The following SBF2 variants were observed in gnomAD, a reference collection of about 807,000 sequenced individuals.
SBF2 encodes SET binding factor 2.
A neutral mutation model predicts 225.2 loss-of-function variants in SBF2; 112 were observed. The observed-to-expected ratio is 0.50, with a 90% CI of 0.43 to 0.58. The LOEUF is 0.58. Among genes scored for constraint, SBF2 ranks in the 20% least tolerant of loss-of-function variants. The pLI is 0.00. For synonymous variants in SBF2, 763 were observed against 773.3 expected, an observed-to-expected ratio of 0.99 and a Z score of 0.22; for missense variants, 1,996 against 2,206.2, an observed-to-expected ratio of 0.90 and a Z score of 1.91.
chr11:9,830,961 T>G (rs1306652032), intron 27 of SBF2, among the ~76,000 whole-genome samples: 1 of 152,200 alleles, frequency 6.6e-6, no homozygotes, highest in Non-Finnish European at 1.5e-5. Context: ...TTCACTCATT[T>G]TACATAACAT....
chr11:10,282,753 T>C (rs1963499991), intron 1 of SBF2, among the ~76,000 whole-genome samples: 1 of 152,192 alleles, frequency 6.6e-6, no homozygotes, highest in Non-Finnish European at 1.5e-5. Flanking sequence ...TCATTGCCAT[T>C]TGAGTCACAT....
rs145549641 is a variant in SBF2, at chr11:10,047,072, C to T, written c.142-4091G>A. 3.7e-3 allele frequency among the ~76,000 whole-genome samples: 557 copies of T among 151,938 alleles called. 4 individuals carry two copies. The highest frequency in any genetic ancestry group is 0.012 in the African/African-American group (500 of 41,480). ...AATTAGGTATAAATCTAACAAGATA[C>T]GCAAAAGATCTATATAAGGAAAACT... On this transcript the variant is annotated intron_variant, in intron 2 of 39. Coordinates refer to ENST00000256190, the MANE Select transcript of SBF2 (RefSeq NM_030962.4).
chr11:9,812,036 T>G (rs1244910002), intron 30 of SBF2, among the ~76,000 whole-genome samples: 1 of 150,196 alleles, frequency 6.7e-6, no homozygotes, highest in South Asian at 2.1e-4. Flanking sequence ...AGACACTGTG[T>G]TTTTTTTTCA....
chr11:10,057,211 T>G (rs747847063), intron 2 of SBF2, among the ~76,000 whole-genome samples: 20 of 152,112 alleles, frequency 1.3e-4, no homozygotes, highest in Non-Finnish European at 2.5e-4. Flanking sequence ...CATGGGTGCC[T>G]GTTCCCATAT....
chr11:9,812,031 CTG>C (rs950951417), intron 30 of SBF2, among the ~76,000 whole-genome samples: 1 of 151,928 alleles, frequency 6.6e-6, no homozygotes, highest in Admixed American at 6.6e-5. Flanking sequence ...ATGATAGACA[CTG>C]TGTTTTTTTT....
At chr11:10,169,693 C>T (rs954175103) in intron 2 of SBF2, among the ~76,000 whole-genome samples, 6 of 152,092 alleles carry the variant, frequency 3.9e-5, no homozygotes, top group African/African-American at 1.4e-4. Context: ...TGGGTATATG[C>T]CTAGCAGTGG....
chr11:9,882,968 A>G (rs1339681340), intron 17 of SBF2, among the ~76,000 whole-genome samples: 4 of 152,142 alleles, frequency 2.6e-5, no homozygotes, highest in East Asian at 3.8e-4. Flanking sequence ...CCTGGGCAAC[A>G]TGGTAAAATA....
At chr11:9,836,081 T>C (rs1855718983) in intron 26 of SBF2, among the ~76,000 whole-genome samples, 1 of 152,136 alleles carries the variant, frequency 6.6e-6, no homozygotes, top group Non-Finnish European at 1.5e-5. Context: ...CAATTTATAG[T>C]CCTTTTTACT....
rs768227057 is a variant in SBF2, at chr11:9,963,759, T to TCACC, written c.1710+13_1710+14insGGTG. The TCACC allele has an allele frequency of 1.6e-6, 2 of 1,229,744 alleles. No individual in the cohort carries two copies. Among genetic ancestry groups the TCACC allele is most frequent in the Non-Finnish European group, 2.4e-6 (2 of 840,736 alleles). 76.2% of individuals were successfully genotyped at this position (1,229,744 alleles called of 1,614,324 possible). A position where few individuals can be genotyped will look rare whatever the true frequency, so the allele number is the denominator to read the frequency against. Reference sequence around the variant, plus strand: ...ATGATAAATGCTTACTTGGGAAAGATCACATTTTATTACCTTTTCAGTTTC... The same window carrying TCACC: ...ATGATAAATGCTTACTTGGGAAAGATCACCCACATTTTATTACCTTTTCAGTTTC... On this transcript the variant is annotated intron_variant, in intron 15 of 39. Coordinates refer to ENST00000256190, the MANE Select transcript of SBF2 (RefSeq NM_030962.4).
At chr11:9,952,512 C>T (rs745929267) in intron 16 of SBF2, among the ~76,000 whole-genome samples, 9 of 152,156 alleles carry the variant, frequency 5.9e-5, no homozygotes, top group Non-Finnish European at 1.2e-4. Flanking sequence ...CCCGCTGCTA[C>T]TTGGGAAAAG....
intron 28 of SBF2, among the ~76,000 whole-genome samples, chr11:9,821,061 T>C (rs1386934367): frequency 1.3e-5 from 2 of 152,236 alleles, no homozygotes; most frequent in African/African-American, 4.8e-5. Flanking sequence ...AAAATCATTG[T>C]TGGAGAAAGG....
At position 9,781,529 on chromosome 11, in the gene SBF2, G is replaced by C. The variant is rs1337450194; in HGVS notation, c.5429C>G (p.Thr1810Arg). Residue 1810 changes from threonine (T) to arginine (R), a missense_variant, in exon 39 of 40, where the codon ACA (threonine) becomes AGA (arginine). Transcript: ENST00000256190. ...AGPSMGAPKHTSDKAFFDLKT... is the reference protein window; with the variant it reads ...AGPSMGAPKHRSDKAFFDLKT... ...TACATCAAAGAAAGCCTTGTCACTT[G>C]TGTGCTTTGGGGCTCCCATGCTGGG... 1 of 1,614,118 alleles carries C rather than the reference G, an allele frequency of 6.2e-7. No homozygotes were observed. Among genetic ancestry groups the C allele is most frequent in the Non-Finnish European group, 8.5e-7 (1 of 1,180,050 alleles).
chr11:10,212,746 T>G (rs1241743023), intron 1 of SBF2, among the ~76,000 whole-genome samples: 3 of 152,216 alleles, frequency 2.0e-5, no homozygotes, highest in African/African-American at 7.2e-5. Context: ...ATCTTGAGTC[T>G]GATGGTTAAG....
chr11:10,119,841 A>C (rs1177513177), intron 2 of SBF2, among the ~76,000 whole-genome samples: 1 of 152,126 alleles, frequency 6.6e-6, no homozygotes, highest in Non-Finnish European at 1.5e-5. Context: ...TCAACCTGGG[A>C]GGCTTTTTAA....
At position 9,842,756 on chromosome 11, in the gene SBF2, GT is replaced by G. The variant is rs758309563; in HGVS notation, c.3124del (p.Thr1042GlnfsTer3). The part of the protein sequence containing the change: ...KNTSFRTFSK[T>X]IVKGAKRAGK... ...TGCCCTTTTGGCACCTTTCACAATT[GT>G]TTTTGAGAAGGTACTACAAGTCATA... On this transcript the variant is annotated frameshift_variant, in exon 25 of 40. Coordinates refer to ENST00000256190, the MANE Select transcript of SBF2 (RefSeq NM_030962.4). LOFTEE classifies it high-confidence loss of function. 1 of 1,613,938 alleles carries G rather than the reference GT, an allele frequency of 6.2e-7. No homozygotes were observed. Among genetic ancestry groups the G allele is most frequent in the Non-Finnish European group, 8.5e-7 (1 of 1,179,960 alleles).
In SBF2 at chr11:10,264,565, A is replaced by G. The variant is rs1961760551; in HGVS notation, c.55+29450T>C. Among the ~76,000 whole-genome samples, 3 of 151,934 alleles carry G rather than the reference A, an allele frequency of 2.0e-5. No homozygotes were observed. In the South Asian group the frequency reaches 6.2e-4, roughly 32 times the overall value. ...GCAGAAAACAGTTCCTACTTTATTTATTTTTTTATTTTTGTTAATTTTTAA... is the reference window on the plus strand; with the variant it reads ...GCAGAAAACAGTTCCTACTTTATTTGTTTTTTTATTTTTGTTAATTTTTAA... On this transcript the variant is annotated intron_variant, in intron 1 of 39. Coordinates refer to ENST00000256190, the MANE Select transcript of SBF2 (RefSeq NM_030962.4).
intron 2 of SBF2, among the ~76,000 whole-genome samples, chr11:10,135,527 C>T (rs1591039680): frequency 6.6e-6 from 1 of 152,180 alleles, no homozygotes; most frequent in East Asian, 1.9e-4. Flanking sequence ...CCTTTAACAG[C>T]ACCCAAGTCA....
chr11:10,119,281 A>G (rs181009692), intron 2 of SBF2, among the ~76,000 whole-genome samples: 301 of 152,232 alleles, frequency 2.0e-3, no homozygotes, highest in African/African-American at 6.5e-3. Flanking sequence ...CATGGACTAT[A>G]TTTACCATTT....
At chr11:10,089,667 C>T (rs1220903921) in intron 2 of SBF2, among the ~76,000 whole-genome samples, 1 of 152,048 alleles carries the variant, frequency 6.6e-6, no homozygotes, top group African/African-American at 2.4e-5. Flanking sequence ...AAGGTGTTCT[C>T]CAAGATAAAA....
Sources: gnomAD v4.1 joint callset for allele counts (sites outside exome capture counted in the v4.1 genomes callset) on GRCh38, gnomAD v4.1.1 for gene constraint, MANE v1.5 for transcripts, NCBI Gene and HGNC (gene_info 2026-07-23, HGNC 2026-07-21) for gene names.